Variants in FKBP6 observed in about 807,000 individuals in gnomAD.
FKBP6 encodes the protein FKBP prolyl isomerase family member 6 (inactive).
A neutral mutation model predicts 41.7 loss-of-function variants in FKBP6; 29 were observed. That is an observed-to-expected ratio of 0.70 (90% CI 0.52 to 0.95). The LOEUF is 0.95. Among genes scored for constraint, FKBP6 ranks in the 40% least tolerant of loss-of-function variants. FKBP6 has a pLI of 0.00. For synonymous variants in FKBP6, 130 were observed against 165.1 expected (o/e 0.79, Z 1.63); for missense variants, 338 against 408.7 (o/e 0.83, Z 1.49).
chr7:73,353,227 G>A (rs1362042085), intron 8 of FKBP6, among the ~76,000 whole-genome samples: 8 of 152,058 alleles, frequency 5.3e-5, no homozygotes, highest in African/African-American at 1.9e-4. Flanking sequence ...ACATTGGGCT[G>A]ACCAAGATAA....
intron 8 of FKBP6, among the ~76,000 whole-genome samples, chr7:73,353,612 A>C (rs1805550168): frequency 1.3e-5 from 2 of 152,254 alleles, no homozygotes; most frequent in African/African-American, 4.8e-5. Context: ...CATTGTTAAC[A>C]AATGCTAGGT....
At chr7:73,352,686 T>C (rs1006255676) in intron 8 of FKBP6, among the ~76,000 whole-genome samples, 9 of 152,122 alleles carry the variant, frequency 5.9e-5, no homozygotes, top group African/African-American at 2.2e-4. Flanking sequence ...GGTTCAAGAA[T>C]CCAGAGAAGG....
intron 5 of FKBP6, chr7:73,336,629 A>G (rs1272466246): frequency 5.0e-6 from 2 of 400,908 alleles, no homozygotes; most frequent in East Asian, 7.5e-5. Flanking sequence ...CAGCATAGGA[A>G]TAGGCAAATG....
In FKBP6 at chr7:73,328,233, C is replaced by T. The variant is rs1554546623; in HGVS notation, c.-196C>T. 5.2e-6 allele frequency: 8 copies of T among 1,549,066 alleles called. No homozygotes were observed. The highest frequency in any genetic ancestry group is 2.4e-5 in the South Asian group (2 of 83,970). Reference sequence around the variant, plus strand: ...GCGTGGCCTCTGTAGTTCCAGAGCTCGCGAGGGCCAGGGCCGTTGGCGGCG... The same window carrying T: ...GCGTGGCCTCTGTAGTTCCAGAGCTTGCGAGGGCCAGGGCCGTTGGCGGCG... On this transcript the variant is annotated 5_prime_UTR_variant, in exon 1 of 9. Coordinates refer to ENST00000252037, the MANE Select transcript of FKBP6 (RefSeq NM_003602.5).
chr7:73,328,179 C>T lies in FKBP6; in HGVS notation c.-250C>T, dbSNP rs1203931432. On this transcript the variant is annotated 5_prime_UTR_variant, in exon 1 of 9. Coordinates refer to ENST00000252037, the MANE Select transcript of FKBP6 (RefSeq NM_003602.5). ...GTGTCCCATCATGTTTCGTGCGCTC[C>T]CATTACGGATCATACCTCGCACCTC... 30 of 1,542,126 alleles carry T rather than the reference C, an allele frequency of 1.9e-5. No homozygotes were observed. The highest frequency in any genetic ancestry group is 2.5e-5 in the Non-Finnish European group (28 of 1,141,108).
chr7:73,329,499 T>C (rs370793655), intron 3 of FKBP6, 50 bp downstream of exon 3: 2 of 1,080,518 alleles, frequency 1.9e-6, no homozygotes, highest in Admixed American at 3.4e-5. Flanking sequence ...AGGGGCTAGA[T>C]GAGGCACGAT....
intron 8 of FKBP6, 144 bp downstream of exon 8, chr7:73,343,043 G>A: frequency 1.4e-6 from 1 of 717,146 alleles, no homozygotes; most frequent in Non-Finnish European, 2.5e-6. Flanking sequence ...CAACACAACG[G>A]TAGTGCAGGA....
chr7:73,341,179 C>G (rs1805172020), intron 6 of FKBP6, 94 bp from the exon 7 acceptor site: 1 of 911,126 alleles, frequency 1.1e-6, no homozygotes, highest in Non-Finnish European at 1.9e-6. Context: ...CCGCCTTGGC[C>G]TCCCAAAGTG....
At chr7:73,340,524 C>T (rs1554549271) in intron 5 of FKBP6, 114 bp from the exon 6 acceptor site, 5 of 806,296 alleles carry the variant, frequency 6.2e-6, no homozygotes, top group Non-Finnish European at 1.1e-5. Context: ...GATCTTGTGT[C>T]TTGCAACCTG....
intron 6 of FKBP6, among the ~76,000 whole-genome samples, 157 bp from the exon 7 acceptor site, chr7:73,341,116 G>T (rs1583811513): frequency 6.6e-6 from 1 of 151,996 alleles, no homozygotes; most frequent in East Asian, 1.9e-4. Flanking sequence ...TAGAGATAGG[G>T]TTTTGCCGTG....
chr7:73,328,601 G>A lies in FKBP6; in HGVS notation c.84G>A (p.Arg28=), dbSNP rs1443437032. The A allele has an allele frequency of 1.7e-5, 27 of 1,608,906 alleles. No homozygotes were observed. Among genetic ancestry groups the A allele is most frequent in the African/African-American group, 9.4e-5 (7 of 74,738 alleles). The change falls in exon 2 of 9, where the codon AGG becomes AGA. Residue 28 remains arginine, a synonymous_variant. Transcript: ENST00000252037. ...GQSLYERLSQ[R]MLDISGDRGV... ...CCCTGTACGAGCGGTTAAGTCAGAGGATGCTGGACATCTCGGGGGACCGGG... is the reference window on the plus strand; with the variant it reads ...CCCTGTACGAGCGGTTAAGTCAGAGAATGCTGGACATCTCGGGGGACCGGG...
At chr7:73,332,804 C>T (rs1431498863) in intron 5 of FKBP6, among the ~76,000 whole-genome samples, 1 of 152,174 alleles carries the variant, frequency 6.6e-6, no homozygotes, top group African/African-American at 2.4e-5. Context: ...TTAGGTCCTC[C>T]ACCAACCGAT....
intron 8 of FKBP6, among the ~76,000 whole-genome samples, chr7:73,348,924 G>A (rs1362516967): frequency 6.6e-6 from 1 of 151,710 alleles, no homozygotes; most frequent in Non-Finnish European, 1.5e-5. Flanking sequence ...GGGCAACATG[G>A]TGAAACTCCT....
At chr7:73,343,345 T>C (rs1805248735) in intron 8 of FKBP6, among the ~76,000 whole-genome samples, 1 of 152,180 alleles carries the variant, frequency 6.6e-6, no homozygotes, top group African/African-American at 2.4e-5. Context: ...AAAAAACCTT[T>C]TTTTTTCATG....
At position 73,342,909 on chromosome 7, in the gene FKBP6, G is replaced by A. The variant is rs1554549818; in HGVS notation, c.*2+10G>A. On this transcript the variant is annotated intron_variant, in intron 8 of 8. Transcript: ENST00000252037. ...CAGGAGAAAGTTGAAGGTAATCAAA[G>A]GGCCAGGGTGGCACACAGGCTTCCG... The A allele has an allele frequency of 1.9e-6, 3 of 1,591,258 alleles. No individual in the cohort carries two copies. The highest frequency in any genetic ancestry group is 3.3e-5 in the Admixed American group (2 of 60,000).
At chr7:73,340,307 T>TC (rs1805132997) in intron 5 of FKBP6, among the ~76,000 whole-genome samples, 1 of 151,892 alleles carries the variant, frequency 6.6e-6, no homozygotes, top group African/African-American at 2.4e-5. Context: ...GGCAGGTGGA[T>TC]CACGAGGTCA....
chr7:73,341,460 A>C, intron 7 of FKBP6, 78 bp downstream of exon 7: 2 of 927,254 alleles, frequency 2.2e-6, no homozygotes, highest in East Asian at 2.4e-5. Flanking sequence ...CCCCCCAACA[A>C]AGGACAGTCT....
chr7:73,343,025 G>A, intron 8 of FKBP6, 126 bp downstream of exon 8: 1 of 748,578 alleles, frequency 1.3e-6, no homozygotes, highest in Non-Finnish European at 2.4e-6. Flanking sequence ...GTTCCTTGCT[G>A]TAAAGAACAA....
chr7:73,357,830 C>CA (rs1393859609), intron 8 of FKBP6, among the ~76,000 whole-genome samples: 9 of 151,068 alleles, frequency 6.0e-5, no homozygotes, highest in African/African-American at 7.3e-5. Flanking sequence ...ACTAAAAATG[C>CA]AAAAAAAAGT....
Sources: gnomAD v4.1 joint callset for allele counts (sites outside exome capture counted in the v4.1 genomes callset) on GRCh38, gnomAD v4.1.1 for gene constraint, MANE v1.5 for transcripts, NCBI Gene and HGNC (gene_info 2026-07-23, HGNC 2026-07-21) for gene names.